Variants in COL23A1 observed in about 807,000 individuals in gnomAD.
COL23A1 encodes the protein collagen type XXIII alpha 1 chain.
A neutral mutation model predicts 99.3 loss-of-function variants in COL23A1; 97 were observed. The observed-to-expected ratio is 0.98, with a 90% CI of 0.83 to 1.16. The LOEUF is 1.16. Ranked by LOEUF, COL23A1 falls within the 50% of genes most tolerant of loss-of-function variation. COL23A1 has a pLI of 0.00. For synonymous variants in COL23A1, 320 were observed against 308.2 expected, an observed-to-expected ratio of 1.04 and a Z score of -0.40; for missense variants, 762 against 757.4, an observed-to-expected ratio of 1.01 and a Z score of -0.07.
intron 2 of COL23A1, among the ~76,000 whole-genome samples, chr5:178,407,795 A>G (rs561900268): frequency 6.7e-6 from 1 of 150,188 alleles, no homozygotes; most frequent in South Asian, 2.1e-4. Flanking sequence ...ACAGAGAGAA[A>G]ATAGACTAGG....
At chr5:178,278,387 T>TA (rs1425795373) in intron 5 of COL23A1, among the ~76,000 whole-genome samples, 1 of 152,214 alleles carries the variant, frequency 6.6e-6, no homozygotes, top group Non-Finnish European at 1.5e-5. Context: ...TTGAAACCCT[T>TA]AAAAATGCAA....
chr5:178,477,784 A>T (rs1395399668), intron 2 of COL23A1, among the ~76,000 whole-genome samples: 1 of 152,226 alleles, frequency 6.6e-6, no homozygotes, highest in Non-Finnish European at 1.5e-5. Flanking sequence ...GTTGAAATAC[A>T]GCCCGAGTCA....
chr5:178,271,662 G>A (rs1001192865), intron 5 of COL23A1, among the ~76,000 whole-genome samples: 6 of 152,360 alleles, frequency 3.9e-5, no homozygotes, highest in African/African-American at 1.2e-4. Flanking sequence ...AGGAAGTATG[G>A]CAAGAACGAT....
intron 2 of COL23A1, among the ~76,000 whole-genome samples, chr5:178,418,401 C>T (rs539385490): frequency 3.3e-5 from 5 of 152,368 alleles, no homozygotes; most frequent in Admixed American, 6.5e-5. Context: ...CCTTCCCCTA[C>T]GTTCCAGCTT....
At position 178,255,033 on chromosome 5, in the gene COL23A1, C is replaced by T. The variant is rs748543031; in HGVS notation, c.883-7G>A. 6.2e-6 allele frequency: 10 copies of T among 1,612,226 alleles called. No homozygotes were observed. The highest frequency in any genetic ancestry group is 2.2e-5 in the East Asian group (1 of 44,872). The stretch of plus-strand genomic sequence containing the variant: ...CCTTGAGGCCTGGGGCACCCTGAGG[C>T]AGGAAGAAGAGTAAGAATTTCAGGG... On this transcript the variant is annotated splice_polypyrimidine_tract_variant and splice_region_variant and intron_variant, in intron 15 of 28. Transcript: ENST00000390654. This position sits in a 1 kb window ranked among gnomAD's most constrained non-coding sequence, Gnocchi z 4.2.
At chr5:178,406,428 C>CTTTTTTTT (rs61274419) in intron 2 of COL23A1, among the ~76,000 whole-genome samples, 5 of 142,038 alleles carry the variant, frequency 3.5e-5, no homozygotes, top group Non-Finnish European at 6.1e-5. Context: ...TACCTACACT[C>CTTTTTTTT]TTTTTTTTTT....
chr5:178,247,473 A>C (rs1482619486), intron 22 of COL23A1, 53 bp downstream of exon 22: 25 of 1,607,738 alleles, frequency 1.6e-5, no homozygotes, highest in South Asian at 1.5e-4. Context: ...AGGCTCTTGG[A>C]AACTGCCCAG....
At chr5:178,329,327 G>A (rs774700894) in intron 2 of COL23A1, among the ~76,000 whole-genome samples, 2 of 152,192 alleles carry the variant, frequency 1.3e-5, no homozygotes, top group East Asian at 1.9e-4. Flanking sequence ...ACAACTGGAC[G>A]GGGCCCCAGT....
intron 4 of COL23A1, among the ~76,000 whole-genome samples, chr5:178,289,204 A>C (rs959825468): frequency 2.6e-5 from 4 of 152,078 alleles, no homozygotes; most frequent in Non-Finnish European, 4.4e-5. Context: ...GGTACACGGA[A>C]GTAAAAAATA....
intron 5 of COL23A1, among the ~76,000 whole-genome samples, chr5:178,287,247 G>A (rs1490101206): frequency 6.6e-6 from 1 of 152,234 alleles, no homozygotes; most frequent in Non-Finnish European, 1.5e-5. Flanking sequence ...CTTCCGCAGA[G>A]TCTGAGAGGC....
intron 2 of COL23A1, among the ~76,000 whole-genome samples, chr5:178,322,939 C>A (rs1759428485): frequency 6.6e-6 from 1 of 152,238 alleles, no homozygotes; most frequent in African/African-American, 2.4e-5. Flanking sequence ...CTGTCCCTGG[C>A]AGCTCAGGGG....
chr5:178,557,913 G>GTGTGTGC (rs1762365521), intron 2 of COL23A1, among the ~76,000 whole-genome samples: 2 of 152,040 alleles, frequency 1.3e-5, no homozygotes. Flanking sequence ...TGCAGGCATG[G>GTGTGTGC]ACAGGGGTGT....
intron 2 of COL23A1, among the ~76,000 whole-genome samples, chr5:178,336,072 A>G (rs906483673): frequency 1.3e-5 from 2 of 152,188 alleles, no homozygotes; most frequent in African/African-American, 4.8e-5. Context: ...CAGGTGCCCA[A>G]GGGAAGCCTA....
chr5:178,470,216 A>G (rs1240901893), intron 2 of COL23A1, among the ~76,000 whole-genome samples: 1 of 152,166 alleles, frequency 6.6e-6, no homozygotes, highest in Non-Finnish European at 1.5e-5. Flanking sequence ...CTTCTCAGGG[A>G]CGAAGCTTGC....
rs1193596793 is a variant in COL23A1 at position 178,365,634 on chromosome 5, C to T, written c.362-58715G>A. On this transcript the variant is annotated intron_variant, in intron 2 of 28. Coordinates refer to ENST00000390654, the MANE Select transcript of COL23A1 (RefSeq NM_173465.4). This position sits in a 1 kb window ranked among gnomAD's most constrained non-coding sequence, Gnocchi z 5.2. ...CTCACCCCACGGCCCGCCCAGCACCCGCCAGGCATGCAGTGGCCCCTCTCT... is the reference window on the plus strand; with the variant it reads ...CTCACCCCACGGCCCGCCCAGCACCTGCCAGGCATGCAGTGGCCCCTCTCT... 3.3e-5 allele frequency among the ~76,000 whole-genome samples: 5 copies of T among 152,300 alleles called. No homozygotes were observed. The highest frequency in any genetic ancestry group is 2.1e-4 in the South Asian group (1 of 4,824).
intron 12 of COL23A1, among the ~76,000 whole-genome samples, chr5:178,258,202 A>C (rs1250801347): frequency 6.8e-6 from 1 of 147,568 alleles, no homozygotes; most frequent in East Asian, 2.0e-4. Flanking sequence ...CCACTGCATC[A>C]CAGCTTGGGT....
chr5:178,434,674 G>A lies in COL23A1; in HGVS notation c.361+126008C>T, dbSNP rs1766455255. 6.6e-6 allele frequency among the ~76,000 whole-genome samples: 1 copy of A among 152,188 alleles called. No homozygotes were observed. ...CTGGCCCTGGTGCTGCTGAGGGAGGGAAGAATCTGACCCTACCTGTGCCCC... is the reference window on the plus strand; with the variant it reads ...CTGGCCCTGGTGCTGCTGAGGGAGGAAAGAATCTGACCCTACCTGTGCCCC... On this transcript the variant is annotated intron_variant, in intron 2 of 28. Transcript: ENST00000390654. This position sits in a 1 kb window ranked among gnomAD's most constrained non-coding sequence, Gnocchi z 4.3.
intron 2 of COL23A1, among the ~76,000 whole-genome samples, chr5:178,358,439 GTATGTGTGTA>G (rs1315201693): frequency 6.7e-6 from 1 of 150,012 alleles, no homozygotes; most frequent in African/African-American, 2.4e-5. Flanking sequence ...GTGTATGTGT[GTATGTGTGTA>G]TATGTATGCG....
intron 2 of COL23A1, among the ~76,000 whole-genome samples, chr5:178,503,923 C>T (rs1374911090): frequency 1.3e-5 from 2 of 152,192 alleles, no homozygotes; most frequent in African/African-American, 4.8e-5. Context: ...GCGGGCTTCC[C>T]TGCTGTGTGT....
Sources: allele counts gnomAD v4.1 joint callset (sites outside exome capture counted in the v4.1 genomes callset), GRCh38; gene constraint gnomAD v4.1.1; non-coding constraint Gnocchi (gnomAD v3.1); transcripts MANE v1.5; gene names NCBI Gene and HGNC (gene_info 2026-07-23, HGNC 2026-07-21).